EML1: variants seen among roughly 807,000 people sequenced by gnomAD.
The protein encoded by EML1 is EMAP like 1, also known as echinoderm microtubule-associated protein-like 1.
In EML1, 27 loss-of-function variants were observed where a neutral mutation model predicts 110.4. The ratio of observed to expected loss-of-function variants is 0.24; its 90% CI spans 0.18 to 0.34. The LOEUF is 0.34. EML1 is among the 10% of genes least tolerant of loss of function. The pLI is 1.00. For synonymous variants in EML1, 344 were observed against 385.8 expected (o/e 0.89, Z 1.27); for missense variants, 741 against 1,030.9 (o/e 0.72, Z 3.85).
intron 1 of EML1, among the ~76,000 whole-genome samples, chr14:99,842,309 T>C (rs1194535890): frequency 6.6e-6 from 1 of 152,194 alleles, no homozygotes; most frequent in African/African-American, 2.4e-5. Context: ...AATCAGTTTT[T>C]CCCCCAGCTT....
upstream of EML1, among the ~76,000 whole-genome samples, chr14:99,791,094 C>T (rs571224504): frequency 6.6e-6 from 1 of 152,298 alleles, no homozygotes; most frequent in Admixed American, 6.5e-5. Flanking sequence ...CTCCTGAATT[C>T]AGGCAATCTG....
chr14:99,927,811 G>GA (rs2060265871), intron 17 of EML1, among the ~76,000 whole-genome samples: 1 of 58,806 alleles, frequency 1.7e-5, no homozygotes, highest in Non-Finnish European at 3.1e-5. Flanking sequence ...GGGGGGGGTG[G>GA]GGGGGTGGTG....
chr14:99,865,482 C>CT, intron 2 of EML1, 32 bp from the exon 3 acceptor site: 1 of 1,612,290 alleles, frequency 6.2e-7, no homozygotes, highest in Non-Finnish European at 8.5e-7. Flanking sequence ...CAAAGGGGAA[C>CT]TTTCTGATAT....
intron 16 of EML1, among the ~76,000 whole-genome samples, chr14:99,920,526 A>G (rs1352236284): frequency 6.6e-6 from 1 of 152,232 alleles, no homozygotes; most frequent in African/African-American, 2.4e-5. Context: ...GTAAATGACA[A>G]AGCACAAACA....
At chr14:99,895,356 ACCATGC>A (rs750638323) in intron 6 of EML1, among the ~76,000 whole-genome samples, 3 of 152,142 alleles carry the variant, frequency 2.0e-5, no homozygotes, top group Admixed American at 6.5e-5. Flanking sequence ...GGCATGAGCC[ACCATGC>A]CCAGCCAAAA....
intron 3 of EML1, among the ~76,000 whole-genome samples, chr14:99,867,330 G>T (rs1345818511): frequency 6.6e-6 from 1 of 152,054 alleles, no homozygotes; most frequent in African/African-American, 2.4e-5. Flanking sequence ...TATTCCATAT[G>T]AATTTTAGGA....
At chr14:99,899,904 T>C (rs1357576547) in intron 8 of EML1, among the ~76,000 whole-genome samples, 1 of 152,138 alleles carries the variant, frequency 6.6e-6, no homozygotes. Flanking sequence ...CAGAGAGGCC[T>C]AGTGAATGCC....
chr14:99,750,081 G>A (rs921675538), intron 1 of EML1, among the ~76,000 whole-genome samples: 4 of 152,200 alleles, frequency 2.6e-5, no homozygotes, highest in Admixed American at 6.5e-5. Flanking sequence ...TGGTCAGGCC[G>A]ATTGTGTGGC....
intron 3 of EML1, among the ~76,000 whole-genome samples, chr14:99,875,712 C>T (rs928498771): frequency 5.3e-5 from 8 of 152,188 alleles, no homozygotes; most frequent in East Asian, 3.9e-4. Flanking sequence ...AAAGACTGGG[C>T]GGAGAATAAT....
chr14:99,738,058 T>A (rs1483633682), intron 1 of EML1, among the ~76,000 whole-genome samples: 2 of 152,168 alleles, frequency 1.3e-5, no homozygotes, highest in African/African-American at 4.8e-5. Context: ...CCACACCCCC[T>A]GACTGCCCAG....
At chr14:99,889,833 G>T (rs943126048) in intron 4 of EML1, among the ~76,000 whole-genome samples, 3 of 152,198 alleles carry the variant, frequency 2.0e-5, no homozygotes, top group African/African-American at 7.2e-5. Context: ...TGGCTTTTTA[G>T]TAGTATTTTC....
chr14:99,850,808 T>A, intron 1 of EML1, 45 bp from the exon 2 acceptor site: 1 of 1,594,158 alleles, frequency 6.3e-7, no homozygotes, highest in East Asian at 2.2e-5. Context: ...TAGATCTGAT[T>A]TCCGGGGAAC....
At chr14:99,792,463 G>T (rs903414671), upstream of EML1, among the ~76,000 whole-genome samples, 1 of 151,656 alleles carries the variant, frequency 6.6e-6, no homozygotes, top group Non-Finnish European at 1.5e-5. Context: ...TACTCCATGG[G>T]TATAAAATGC....
chr14:99,828,444 A>G (rs1814601265), intron 1 of EML1, among the ~76,000 whole-genome samples: 1 of 152,202 alleles, frequency 6.6e-6, no homozygotes, highest in Non-Finnish European at 1.5e-5. Context: ...GTATTCAAGG[A>G]ACCCTTATTT....
chr14:99,877,622 A>G (rs909835386), intron 3 of EML1, among the ~76,000 whole-genome samples: 3 of 152,200 alleles, frequency 2.0e-5, no homozygotes, highest in Non-Finnish European at 2.9e-5. Context: ...TGGCCGCTTA[A>G]CATGGACACC....
chr14:99,859,594 C>T (rs903593558), intron 2 of EML1, among the ~76,000 whole-genome samples: 4 of 152,282 alleles, frequency 2.6e-5, no homozygotes, highest in South Asian at 2.1e-4. Flanking sequence ...GGGGACACAG[C>T]AGGGACTGGC....
intron 4 of EML1, among the ~76,000 whole-genome samples, chr14:99,888,944 G>A (rs564057908): frequency 1.3e-5 from 2 of 152,230 alleles, no homozygotes; most frequent in Admixed American, 6.5e-5. Flanking sequence ...CCCTCCCCCC[G>A]CTCAGACGCA....
intron 1 of EML1, among the ~76,000 whole-genome samples, chr14:99,786,550 G>A (rs1041827115): frequency 1.2e-4 from 18 of 152,186 alleles, no homozygotes; most frequent in African/African-American, 3.9e-4. Flanking sequence ...GACTGCAGAG[G>A]CCCTGTTGAT....
At position 99,891,691 on chromosome 14, in the gene EML1, T is replaced by C. The variant is rs1012862839; in HGVS notation, c.547+464T>C. Among the ~76,000 whole-genome samples, 12 of 152,236 alleles carry C rather than the reference T, an allele frequency of 7.9e-5. 1 individual carries two copies. The highest frequency in any genetic ancestry group is 6.5e-4 in the Admixed American group (10 of 15,288). On this transcript the variant is annotated intron_variant, in intron 5 of 21. Transcript: ENST00000262233. ...GATCTCCTAAACTGCAAACTAATAG[T>C]TCATGTATATCTTTCCATATATCTT...
Sources: gnomAD v4.1 joint callset for allele counts (sites outside exome capture counted in the v4.1 genomes callset) on GRCh38, gnomAD v4.1.1 for gene constraint, MANE v1.5 for transcripts, NCBI Gene and HGNC (gene_info 2026-07-23, HGNC 2026-07-21) for gene names.